EML1: variants seen among roughly 807,000 people sequenced by gnomAD.
EML1 encodes echinoderm microtubule-associated protein-like 1.
A neutral mutation model predicts 110.4 loss-of-function variants in EML1; 27 were observed. That is an observed-to-expected ratio of 0.24 (90% CI 0.18 to 0.34). The LOEUF (loss-of-function observed/expected upper bound fraction) is 0.34, where lower values mean the gene tolerates loss of function less well. EML1 is among the 10% of genes least tolerant of loss of function. EML1 has a pLI of 1.00. For missense variants in EML1, 741 were observed against 1,030.9 expected (o/e 0.72, Z 3.85); for synonymous variants, 344 against 385.8 (o/e 0.89, Z 1.27).
intron 1 of EML1, chr14:99,838,915 G>GCGCA (rs2058584850): frequency 1.7e-5 from 2 of 116,200 alleles, no homozygotes; most frequent in East Asian, 2.2e-4. Context: ...GTGCGCGCGC[G>GCGCA]CGCGTGTGTG....
At chr14:99,840,750 C>A (rs2058619147) in intron 1 of EML1, among the ~76,000 whole-genome samples, 1 of 152,220 alleles carries the variant, frequency 6.6e-6, no homozygotes, top group Non-Finnish European at 1.5e-5. Context: ...TTTACAGAGT[C>A]AAGAGCCTGC....
intron 4 of EML1, among the ~76,000 whole-genome samples, chr14:99,880,613 G>A (rs944016847): frequency 1.3e-5 from 2 of 152,148 alleles, no homozygotes; most frequent in African/African-American, 4.8e-5. Flanking sequence ...TCGCTCACTC[G>A]ACATGTCCAT....
At chr14:99,853,912 C>T (rs1304820260) in intron 2 of EML1, among the ~76,000 whole-genome samples, 1 of 152,226 alleles carries the variant, frequency 6.6e-6, no homozygotes, top group East Asian at 1.9e-4. Context: ...CTTAGGTGAT[C>T]CGCCTGCCTC....
At chr14:99,766,914 C>T (rs200758406) in intron 1 of EML1, among the ~76,000 whole-genome samples, 2 of 152,172 alleles carry the variant, frequency 1.3e-5, no homozygotes, top group East Asian at 3.9e-4. Context: ...CTATAGGAAG[C>T]AAAGTGCAAT....
At chr14:99,744,446 T>C (rs1469243787) in intron 1 of EML1, among the ~76,000 whole-genome samples, 1 of 152,124 alleles carries the variant, frequency 6.6e-6, no homozygotes, top group Non-Finnish European at 1.5e-5. Flanking sequence ...GCAAGCCACA[T>C]GGGCACACCA....
intron 20 of EML1, among the ~76,000 whole-genome samples, chr14:99,938,760 G>A (rs926182523): frequency 1.3e-5 from 2 of 152,196 alleles, no homozygotes; most frequent in Non-Finnish European, 2.9e-5. Flanking sequence ...GCACACCCAG[G>A]GTTAAAAGGC....
At chr14:99,786,256 G>A (rs139527292) in intron 1 of EML1, among the ~76,000 whole-genome samples, 1 of 152,160 alleles carries the variant, frequency 6.6e-6, no homozygotes, top group East Asian at 1.9e-4. Flanking sequence ...TCCAGACAAG[G>A]GGTCTAGCAA....
Position 99,940,084 on chromosome 14 carries a change from C to A in EML1, c.2420C>A (p.Thr807Lys). 1.2e-6 allele frequency: 2 copies of A among 1,600,892 alleles called. No homozygotes were observed. Among genetic ancestry groups the A allele is most frequent in the South Asian group, 1.1e-5 (1 of 88,554 alleles). ...SHLISTGGKD[T>K]SIMQWRVI ...CTCATCTCCACGGGCGGGAAAGACA[C>A]AAGCATCATGCAGTGGCGCGTCATT... Residue 807 changes from threonine to lysine, a missense_variant, in exon 22 of 22, where the codon ACA becomes AAA. Transcript: ENST00000262233.
At chr14:99,739,104 C>CTGTGTG (rs2057008001) in intron 1 of EML1, among the ~76,000 whole-genome samples, 3 of 52,848 alleles carry the variant, frequency 5.7e-5, no homozygotes, top group African/African-American at 6.3e-5. Flanking sequence ...GAGAGAGAGA[C>CTGTGTG]AGAGAGAGAG....
At chr14:99,876,946 A>G (rs2059302539) in intron 3 of EML1, among the ~76,000 whole-genome samples, 1 of 152,248 alleles carries the variant, frequency 6.6e-6, no homozygotes, top group African/African-American at 2.4e-5. Flanking sequence ...ATAAGATCTC[A>G]AGAAATGCGT....
chr14:99,767,358 C>A (rs1595256279), intron 1 of EML1, among the ~76,000 whole-genome samples: 1 of 152,238 alleles, frequency 6.6e-6, no homozygotes, highest in Admixed American at 6.5e-5. Context: ...AATCCCAACA[C>A]TTTGGGAGGC....
chr14:99,849,553 A>G (rs56405018), intron 1 of EML1, among the ~76,000 whole-genome samples: 38,058 of 148,816 alleles, frequency 0.26, 5,230 homozygotes, highest in Non-Finnish European at 0.31. Context: ...TTATTTATTT[A>G]TTTGTTTATT....
chr14:99,890,181 A>G (rs1268200928), intron 4 of EML1, among the ~76,000 whole-genome samples: 1 of 152,168 alleles, frequency 6.6e-6, no homozygotes, highest in Non-Finnish European at 1.5e-5. Context: ...CATTTAAGGC[A>G]CTATGGTGCC....
At chr14:99,764,020 C>T (rs112663187) in intron 1 of EML1, among the ~76,000 whole-genome samples, 6,142 of 152,246 alleles carry the variant, frequency 0.04, 387 homozygotes, top group African/African-American at 0.14. Context: ...GCCGAGGTCC[C>T]CAAGTGTTTC....
At chr14:99,777,330 C>T (rs1488794779) in intron 1 of EML1, among the ~76,000 whole-genome samples, 1 of 152,188 alleles carries the variant, frequency 6.6e-6, no homozygotes, top group Non-Finnish European at 1.5e-5. Context: ...CCATCCCTAG[C>T]GTTCTTCCTA....
chr14:99,851,122 T>C, intron 2 of EML1, 87 bp downstream of exon 2: 1 of 1,392,798 alleles, frequency 7.2e-7, no homozygotes, highest in Non-Finnish European at 9.8e-7. Context: ...CTCTTTAATA[T>C]TGACAGAGAA....
At chr14:99,808,967 C>G (rs1050985000) in intron 1 of EML1, among the ~76,000 whole-genome samples, 1 of 152,134 alleles carries the variant, frequency 6.6e-6, no homozygotes, top group Non-Finnish European at 1.5e-5. Context: ...TGCTGAGTAA[C>G]TTAGCCAAGG....
rs541995577 is a variant in EML1 at position 99,758,474 on chromosome 14, G to C, written c.28+20614G>C. ...TGCACCCTGATTTGTGCAGCCTGGGGGTTCAGGGCAGAGGTTTCAGTCTTT... is the reference window on the plus strand; with the variant it reads ...TGCACCCTGATTTGTGCAGCCTGGGCGTTCAGGGCAGAGGTTTCAGTCTTT... On this transcript the variant is annotated intron_variant, in intron 1 of 10. Transcript: ENST00000554479. 2.8e-4 allele frequency among the ~76,000 whole-genome samples: 43 copies of C among 152,310 alleles called. 1 individual carries two copies. The highest frequency in any genetic ancestry group is 9.9e-4 in the African/African-American group (41 of 41,570).
intron 2 of EML1, among the ~76,000 whole-genome samples, chr14:99,855,221 G>A (rs561482298): frequency 2.0e-5 from 3 of 152,294 alleles, no homozygotes; most frequent in African/African-American, 7.2e-5. Context: ...CTGGAATGAA[G>A]TACTGTATAG....
Sources: gnomAD v4.1 joint callset for allele counts (sites outside exome capture counted in the v4.1 genomes callset) on GRCh38, gnomAD v4.1.1 for gene constraint, MANE v1.5 for transcripts, NCBI Gene and HGNC (gene_info 2026-07-23, HGNC 2026-07-21) for gene names.